PCDHA6: variants seen among roughly 807,000 people sequenced by gnomAD.
The protein encoded by PCDHA6 is protocadherin alpha-6.
PCDHA6 carries 55 observed loss-of-function variants against 60.3 expected under a neutral mutation model. That is an observed-to-expected ratio of 0.91 (90% confidence interval 0.73 to 1.14). The LOEUF (loss-of-function observed/expected upper bound fraction) is 1.14, where lower values mean the gene tolerates loss of function less well. Among genes scored for constraint, PCDHA6 ranks in the 50% most tolerant of loss-of-function variants. PCDHA6 has a pLI of 0.00. For missense variants in PCDHA6, 1,327 were observed against 1,256.5 expected, an observed-to-expected ratio of 1.06 and a Z score of -0.85; for synonymous variants, 652 against 557.9, an observed-to-expected ratio of 1.17 and a Z score of -2.38.
chr5:140,956,585 T>G (rs1004549488), intron 1 of PCDHA6, among the ~76,000 whole-genome samples: 4 of 152,198 alleles, frequency 2.6e-5, no homozygotes, highest in Non-Finnish European at 5.9e-5. Flanking sequence ...CATTGATGCT[T>G]ATCAGGGATA....
At chr5:140,977,373 A>G (rs1167438428) in intron 1 of PCDHA6, among the ~76,000 whole-genome samples, 1 of 152,168 alleles carries the variant, frequency 6.6e-6, no homozygotes, top group Non-Finnish European at 1.5e-5. Flanking sequence ...TATTTTAGTC[A>G]TATTTCCAGG....
intron 3 of PCDHA6, among the ~76,000 whole-genome samples, chr5:140,987,130 C>G (rs1220504537): frequency 6.6e-6 from 1 of 151,648 alleles, no homozygotes; most frequent in East Asian, 1.9e-4. Context: ...AGGAGAATTG[C>G]TTGAACTCGG....
At chr5:140,845,981 G>A (rs1025810525) in intron 1 of PCDHA6, among the ~76,000 whole-genome samples, 13 of 149,478 alleles carry the variant, frequency 8.7e-5, no homozygotes, top group Non-Finnish European at 1.9e-4. Context: ...TCAATATTTT[G>A]AATGTTGTGT....
At chr5:140,848,934 C>A in intron 1 of PCDHA6, 1 of 1,607,578 alleles carries the variant, frequency 6.2e-7, no homozygotes, top group Non-Finnish European at 8.5e-7. Context: ...GGAATCCAGG[C>A]CGCTTGACTC....
intron 1 of PCDHA6, among the ~76,000 whole-genome samples, chr5:140,887,198 G>T (rs1276345927): frequency 6.6e-6 from 1 of 151,492 alleles, no homozygotes; most frequent in Admixed American, 6.6e-5. Flanking sequence ...CCGGGTTCAC[G>T]CCATTCTCCT....
rs139859573 is a variant in PCDHA6, at chr5:140,940,130, A to G, written c.2395-38819A>G. ...TGTATTATTTACCTCTATTTCTGCT[A>G]GTGATAAACTATTATAGTTTTTGTT... On this transcript the variant is annotated intron_variant, in intron 1 of 3. Transcript: ENST00000529310. Among the ~76,000 whole-genome samples, 378 of 152,286 alleles carry G rather than the reference A, an allele frequency of 2.5e-3. 4 individuals carry two copies. Among genetic ancestry groups the G allele is most frequent in the Non-Finnish European group, 4.6e-3 (313 of 68,020 alleles).
At chr5:140,989,723 G>A (rs2097356372) in intron 3 of PCDHA6, among the ~76,000 whole-genome samples, 1 of 152,180 alleles carries the variant, frequency 6.6e-6, no homozygotes, top group African/African-American at 2.4e-5. Flanking sequence ...CAGCTTTGCA[G>A]TTGAAAAGGC....
intron 1 of PCDHA6, among the ~76,000 whole-genome samples, chr5:140,920,101 G>A (rs880001163): frequency 2.0e-5 from 3 of 152,180 alleles, no homozygotes; most frequent in African/African-American, 7.2e-5. Flanking sequence ...TCTAAAGGGA[G>A]TGCAACCTTG....
intron 1 of PCDHA6, among the ~76,000 whole-genome samples, chr5:140,936,528 T>C (rs2091012406): frequency 6.6e-6 from 1 of 152,244 alleles, no homozygotes; most frequent in Non-Finnish European, 1.5e-5. Flanking sequence ...TGAAATTGCT[T>C]TTGAATATAG....
Position 140,873,523 on chromosome 5 carries a change from G to A in PCDHA6, c.2394+43038G>A, listed in dbSNP as rs1371984958. 2.0e-5 allele frequency among the ~76,000 whole-genome samples: 3 copies of A among 152,090 alleles called. No homozygotes were observed. In the East Asian group the frequency reaches 5.8e-4, roughly 29 times the overall value. ...GTCTTTTATACTTAATGCCAAGATTGCATTCTATGGTATAAAATTATAATT... is the reference window on the plus strand; with the variant it reads ...GTCTTTTATACTTAATGCCAAGATTACATTCTATGGTATAAAATTATAATT... On this transcript the variant is annotated intron_variant, in intron 1 of 3. Transcript: ENST00000529310.
intron 1 of PCDHA6, chr5:140,842,539 G>A (rs182995378): frequency 1.2e-6 from 2 of 1,610,436 alleles, no homozygotes; most frequent in African/African-American, 1.3e-5. Context: ...ATTACTACTC[G>A]TTGGTGCTGG....
chr5:140,871,493 A>C lies in PCDHA6; in HGVS notation c.2394+41008A>C, dbSNP rs968230550. 1.9e-6 allele frequency: 3 copies of C among 1,588,916 alleles called. No individual in the cohort carries two copies. In the African/African-American group the frequency reaches 4.0e-5, roughly 21 times the overall value. On this transcript the variant is annotated intron_variant, in intron 1 of 3. Coordinates refer to ENST00000529310, the MANE Select transcript of PCDHA6 (RefSeq NM_018909.4). Reference sequence around the variant, plus strand: ...GAGCCAGGGTCAAATCACCCCGGACAGGTGAGTTTTCTACAGATTCCACCT... The same window carrying C: ...GAGCCAGGGTCAAATCACCCCGGACCGGTGAGTTTTCTACAGATTCCACCT...
intron 1 of PCDHA6, chr5:140,834,490 C>CCG (rs1360938098): frequency 5.0e-6 from 8 of 1,614,154 alleles, no homozygotes; most frequent in Non-Finnish European, 5.9e-6. Flanking sequence ...TACTCGGTCC[C>CCG]CGAGGAGGCT....
At chr5:140,987,668 G>C (rs1262402590) in intron 3 of PCDHA6, among the ~76,000 whole-genome samples, 1 of 152,082 alleles carries the variant, frequency 6.6e-6, no homozygotes, top group Non-Finnish European at 1.5e-5. Context: ...GAACAATCAG[G>C]GTTTAGTAAA....
chr5:140,999,922 C>T (rs2097883458), intron 3 of PCDHA6, among the ~76,000 whole-genome samples: 1 of 152,154 alleles, frequency 6.6e-6, no homozygotes, highest in Non-Finnish European at 1.5e-5. Context: ...AATCTTCTTC[C>T]AGCTCAACTC....
Position 141,010,446 on chromosome 5 carries a change from C to A in PCDHA6, c.*509C>A. On this transcript the variant is annotated 3_prime_UTR_variant, in exon 4 of 4. Coordinates refer to ENST00000529310, the MANE Select transcript of PCDHA6 (RefSeq NM_018909.4). ...AGGCAAGAAAACAAAGACAAATAAA[C>A]AGCGGAAGTTATCAGTATGGAGGGG... 1 of 944,706 alleles carries A rather than the reference C, an allele frequency of 1.1e-6. No homozygotes were observed. The highest frequency in any genetic ancestry group is 1.7e-5 in the African/African-American group (1 of 60,424). The allele number at this position is 944,706 out of a possible 1,614,324, so 58.5% of individuals were successfully genotyped here.
intron 1 of PCDHA6, among the ~76,000 whole-genome samples, chr5:140,894,494 T>C (rs1412845995): frequency 6.6e-6 from 1 of 151,992 alleles, no homozygotes; most frequent in Non-Finnish European, 1.5e-5. Flanking sequence ...TAGTTTTCTT[T>C]AGGCATTATC....
In PCDHA6 at chr5:140,829,635, G is replaced by A; in HGVS notation, c.1544G>A (p.Gly515Asp). The A allele has an allele frequency of 6.2e-7, 1 of 1,612,310 alleles. No homozygotes were observed. The highest frequency in any genetic ancestry group is 8.5e-7 in the Non-Finnish European group (1 of 1,179,806). Residue 515 changes from glycine (G) to aspartate (D), a missense_variant, in exon 1 of 4, where the codon GGC (glycine) becomes GAC (aspartate). By Grantham distance (94) the Gly-to-Asp change is moderately conservative. Transcript: ENST00000529310. The part of the protein sequence containing the change: ...SSYISVHAES[G>D]KVYALQPLDH... ...TACATTTCGGTGCACGCGGAGAGCG[G>A]CAAGGTGTACGCGCTGCAGCCGCTG... is the stretch of plus-strand genomic sequence containing the variant.
intron 1 of PCDHA6, chr5:140,856,192 G>A (rs782508103): frequency 1.9e-6 from 3 of 1,598,180 alleles, no homozygotes; most frequent in Non-Finnish European, 1.7e-6. Context: ...GCCGCATCGC[G>A]CAGGACCTGG....
Sources: allele counts gnomAD v4.1 joint callset (sites outside exome capture counted in the v4.1 genomes callset), GRCh38; gene constraint gnomAD v4.1.1; transcripts MANE v1.5; gene names NCBI Gene and HGNC (gene_info 2026-07-23, HGNC 2026-07-21).